The following MMP16 variants were observed in gnomAD, a reference collection of about 807,000 sequenced individuals.
MMP16 encodes matrix metallopeptidase 16.
Under a neutral mutation model 67.8 loss-of-function variants are expected in MMP16, and 12 were observed. The observed-to-expected ratio is 0.18, with a 90% CI of 0.11 to 0.29. The LOEUF (loss-of-function observed/expected upper bound fraction) is 0.29. MMP16 is among the 10% of genes least tolerant of loss of function. MMP16 has a pLI of 1.00. For missense variants in MMP16, 475 were observed against 765.7 expected (o/e 0.62, Z 4.48); for synonymous variants, 249 against 255.9 (o/e 0.97, Z 0.26).
intron 8 of MMP16, among the ~76,000 whole-genome samples, chr8:88,050,219 A>G (rs571109972): frequency 1.3e-5 from 2 of 152,296 alleles, no homozygotes; most frequent in Non-Finnish European, 2.9e-5. Flanking sequence ...GCTAGTCGGG[A>G]GGCTGAGGCA....
intron 1 of MMP16, among the ~76,000 whole-genome samples, chr8:88,210,462 C>T (rs1330217246): frequency 6.6e-6 from 1 of 152,150 alleles, no homozygotes; most frequent in African/African-American, 2.4e-5. Flanking sequence ...GTTGATAACA[C>T]AATCAACTGT....
At chr8:88,286,276 G>A (rs1043218542) in intron 1 of MMP16, among the ~76,000 whole-genome samples, 2 of 151,946 alleles carry the variant, frequency 1.3e-5, no homozygotes, top group African/African-American at 4.8e-5. Context: ...CTCTCCCCTA[G>A]GTTCTCTCCT....
chr8:88,038,533 T>A lies in MMP16; in HGVS notation c.*2928A>T, dbSNP rs1808086611. 6.6e-6 allele frequency: 1 copy of A among 152,558 alleles called. No individual in the cohort carries two copies. The highest frequency in any genetic ancestry group is 2.4e-5 in the African/African-American group (1 of 41,458). 9.5% of individuals were successfully genotyped at this position (152,558 alleles called of 1,614,324 possible). On this transcript the variant is annotated 3_prime_UTR_variant, in exon 10 of 10. Coordinates refer to ENST00000286614, the MANE Select transcript of MMP16 (RefSeq NM_005941.5). The surrounding 1 kb of genome is among the most constrained non-coding windows in gnomAD (Gnocchi z 4.1). ...TCATTTTAGAGGAAAAAAAAATCAA[T>A]TTTCAATGCAGGGTGATGGAGTTCC... is the stretch of plus-strand genomic sequence containing the variant.
intron 6 of MMP16, among the ~76,000 whole-genome samples, chr8:88,095,900 G>A (rs1402492918): frequency 6.6e-6 from 1 of 151,938 alleles, no homozygotes; most frequent in African/African-American, 2.4e-5. Flanking sequence ...TAGTGAATAA[G>A]AGAGTGTATA....
chr8:88,129,974 T>C (rs948494044), intron 4 of MMP16, among the ~76,000 whole-genome samples: 2 of 151,500 alleles, frequency 1.3e-5, no homozygotes, highest in African/African-American at 4.8e-5. Context: ...TGACAAAGAG[T>C]TATTTATTTT....
At chr8:88,219,948 G>T (rs1376394697) in intron 1 of MMP16, among the ~76,000 whole-genome samples, 4 of 151,964 alleles carry the variant, frequency 2.6e-5, no homozygotes, top group Non-Finnish European at 5.9e-5. Flanking sequence ...GACAAAAGTA[G>T]AAAGAATGGT....
At chr8:88,134,787 C>G (rs148960260) in intron 4 of MMP16, among the ~76,000 whole-genome samples, 1 of 151,352 alleles carries the variant, frequency 6.6e-6, no homozygotes, top group African/African-American at 2.4e-5. Context: ...GTGTGATCCA[C>G]TAATCTTTAT....
At chr8:88,147,346 T>C (rs916952864) in intron 4 of MMP16, among the ~76,000 whole-genome samples, 13 of 152,134 alleles carry the variant, frequency 8.5e-5, no homozygotes, top group Non-Finnish European at 1.5e-4. Flanking sequence ...TCATGTTTTA[T>C]GGTTTACATG....
Position 88,111,452 on chromosome 8 carries a change from C to T in MMP16, c.1083+5055G>A, listed in dbSNP as rs79130511. On this transcript the variant is annotated intron_variant, in intron 6 of 9. Transcript: ENST00000286614. ...TGACAGGGAAAGGCCTGTAGAGCCACGAGTGTTTGAAATGTTCCAGAAACA... is the reference window on the plus strand; with the variant it reads ...TGACAGGGAAAGGCCTGTAGAGCCATGAGTGTTTGAAATGTTCCAGAAACA... 3.1e-3 allele frequency among the ~76,000 whole-genome samples: 475 copies of T among 151,584 alleles called. 3 individuals are homozygous for T. Among genetic ancestry groups the T allele is most frequent in the African/African-American group, 0.011 (447 of 41,418 alleles).
chr8:88,130,948 G>A (rs1331883557), intron 4 of MMP16, among the ~76,000 whole-genome samples: 1 of 151,700 alleles, frequency 6.6e-6, no homozygotes, highest in African/African-American at 2.4e-5. Flanking sequence ...TCAAAAAAAG[G>A]CAAGGGATGT....
chr8:88,228,618 A>T (rs1032559572), intron 1 of MMP16, among the ~76,000 whole-genome samples: 3 of 152,116 alleles, frequency 2.0e-5, no homozygotes, highest in Admixed American at 6.6e-5. Flanking sequence ...TATACAATTA[A>T]ACAGAATAAC....
At position 88,032,563 on chromosome 8, in the gene MMP16, C is replaced by A. The variant is rs559498268; in HGVS notation, c.*8898G>T. On this transcript the variant is annotated 3_prime_UTR_variant, in exon 10 of 10. Coordinates refer to ENST00000286614, the MANE Select transcript of MMP16 (RefSeq NM_005941.5). Reference sequence around the variant, plus strand: ...AATAAACACTGTTCAATGCACTGATCAATAAAATCAATGAAAAAATTAATT... The same window carrying A: ...AATAAACACTGTTCAATGCACTGATAAATAAAATCAATGAAAAAATTAATT... 1 of 152,154 alleles carries A rather than the reference C, an allele frequency of 6.6e-6. No individual in the cohort carries two copies. The highest frequency in any genetic ancestry group is 2.1e-4 in the South Asian group (1 of 4,824). The allele number at this position is 152,154 out of a possible 1,614,324, so 9.4% of individuals were successfully genotyped here. A position where few individuals can be genotyped will look rare whatever the true frequency, so the allele number is the denominator to read the frequency against.
intron 5 of MMP16, among the ~76,000 whole-genome samples, 174 bp from the exon 6 acceptor site, chr8:88,116,892 C>T (rs1809447228): frequency 6.6e-6 from 1 of 152,026 alleles, no homozygotes. Context: ...AAAAGCATTG[C>T]CAAGCCTATC....
rs113217293 is a variant in MMP16, at chr8:88,067,542, A to G, written c.1222+7063T>C. ...AGTATTGACATAATCAAGAAAATGA[A>G]CATTTCATCATTCTGAGAAGTTTTC... On this transcript the variant is annotated intron_variant, in intron 7 of 9. Coordinates refer to ENST00000286614, the MANE Select transcript of MMP16 (RefSeq NM_005941.5). 3.9e-5 allele frequency among the ~76,000 whole-genome samples: 6 copies of G among 152,100 alleles called. 1 individual carries two copies. The highest frequency in any genetic ancestry group is 1.4e-4 in the African/African-American group (6 of 41,436).
At chr8:88,048,998 C>T (rs946952374) in intron 8 of MMP16, among the ~76,000 whole-genome samples, 2 of 152,186 alleles carry the variant, frequency 1.3e-5, no homozygotes, top group Admixed American at 1.3e-4. Context: ...CATCTTCCTC[C>T]ATCTTCAACG....
intron 1 of MMP16, among the ~76,000 whole-genome samples, chr8:88,214,574 T>C (rs1017655383): frequency 4.6e-5 from 7 of 152,190 alleles, no homozygotes; most frequent in African/African-American, 1.4e-4. Flanking sequence ...AGTATATATA[T>C]GGAATGACTA....
chr8:88,125,703 G>T (rs937438526), intron 4 of MMP16, among the ~76,000 whole-genome samples: 1 of 151,924 alleles, frequency 6.6e-6, no homozygotes, highest in Non-Finnish European at 1.5e-5. Context: ...AGAAAAGCAA[G>T]ATTGGATATA....
chr8:88,055,636 G>A (rs1808322499), intron 8 of MMP16, among the ~76,000 whole-genome samples: 1 of 152,176 alleles, frequency 6.6e-6, no homozygotes, highest in African/African-American at 2.4e-5. Context: ...AAAGTAATTA[G>A]CCCAGTGATA....
intron 1 of MMP16, among the ~76,000 whole-genome samples, chr8:88,270,685 G>A (rs936892356): frequency 1.3e-5 from 2 of 152,094 alleles, no homozygotes; most frequent in African/African-American, 4.8e-5. Context: ...ACATCCAAAG[G>A]CAACTCCTTT....
Sources: gnomAD v4.1 joint callset for allele counts (sites outside exome capture counted in the v4.1 genomes callset) on GRCh38, gnomAD v4.1.1 for gene constraint, Gnocchi (gnomAD v3.1) non-coding constraint, MANE v1.5 for transcripts, NCBI Gene and HGNC (gene_info 2026-07-23, HGNC 2026-07-21) for gene names.